NTN1: variants seen among roughly 807,000 people sequenced by gnomAD.
NTN1 encodes the protein netrin-1.
A neutral mutation model predicts 54.2 loss-of-function variants in NTN1; 11 were observed. The observed-to-expected ratio is 0.20, with a 90% confidence interval of 0.13 to 0.34. The LOEUF (loss-of-function observed/expected upper bound fraction) is 0.34. NTN1 is among the 10% of genes least tolerant of loss of function. The pLI is 1.00. For missense variants in NTN1, 740 were observed against 893.1 expected (o/e 0.83, Z 2.18); for synonymous variants, 371 against 382.0 (o/e 0.97, Z 0.33).
chr17:9,141,455 T>C (rs2092297515), intron 2 of NTN1, among the ~76,000 whole-genome samples: 1 of 151,956 alleles, frequency 6.6e-6, no homozygotes, highest in Admixed American at 6.6e-5. Flanking sequence ...GGATCCAACA[T>C]GAGTTGGATT....
At chr17:9,073,306 G>T (rs2092038770) in intron 2 of NTN1, among the ~76,000 whole-genome samples, 1 of 152,224 alleles carries the variant, frequency 6.6e-6, no homozygotes, top group Non-Finnish European at 1.5e-5. Context: ...AGGTGATTCA[G>T]AGAGTTGAAC....
Position 9,022,468 on chromosome 17 carries a change from C to A in NTN1, c.95C>A (p.Ala32Glu). 1 of 1,520,586 alleles carries A rather than the reference C, an allele frequency of 6.6e-7. No individual in the cohort carries two copies. Among genetic ancestry groups the A allele is most frequent in the South Asian group, 1.2e-5 (1 of 81,752 alleles). 94.2% of individuals were successfully genotyped at this position (1,520,586 alleles called of 1,614,324 possible). The change falls in exon 2 of 7, where the codon GCG (alanine) becomes GAG (glutamate). Residue 32 changes from alanine (A) to glutamate (E), a missense_variant. By Grantham distance (107) the Ala-to-Glu change is moderately radical (BLOSUM62 -1). Transcript: ENST00000173229. ...VRGGPGLSMF[A>E]GQAAQPDPCS... is the part of the protein sequence containing the mutation. Reference sequence around the variant, plus strand: ...GGCGGGCCCGGGCTCAGCATGTTCGCGGGCCAGGCGGCGCAGCCCGATCCC... The same window carrying A: ...GGCGGGCCCGGGCTCAGCATGTTCGAGGGCCAGGCGGCGCAGCCCGATCCC...
chr17:9,224,632 T>A (rs1306951450), intron 6 of NTN1, among the ~76,000 whole-genome samples: 1 of 152,236 alleles, frequency 6.6e-6, no homozygotes, highest in Non-Finnish European at 1.5e-5. Flanking sequence ...GAGTTTTTCC[T>A]TCCCATCACA....
chr17:9,092,980 G>T (rs570373380), intron 2 of NTN1, among the ~76,000 whole-genome samples: 1 of 152,114 alleles, frequency 6.6e-6, no homozygotes, highest in East Asian at 1.9e-4. Context: ...GGATGGTCTC[G>T]ATCTCCTGCC....
At chr17:9,049,342 A>G (rs1302228580) in intron 2 of NTN1, among the ~76,000 whole-genome samples, 1 of 152,178 alleles carries the variant, frequency 6.6e-6, no homozygotes, top group Non-Finnish European at 1.5e-5. Context: ...AAACCTAAAG[A>G]TGCCACCTGA....
chr17:9,217,665 G>A (rs1274068886), intron 5 of NTN1, among the ~76,000 whole-genome samples: 1 of 151,894 alleles, frequency 6.6e-6, no homozygotes, highest in East Asian at 1.9e-4. Flanking sequence ...TCCATGTTCT[G>A]AAGGTTATTC....
chr17:9,203,855 G>A (rs1363185032), intron 5 of NTN1, among the ~76,000 whole-genome samples: 1 of 152,060 alleles, frequency 6.6e-6, no homozygotes, highest in Non-Finnish European at 1.5e-5. Context: ...GAGGACCAGA[G>A]AGTCTAGGAA....
intron 2 of NTN1, among the ~76,000 whole-genome samples, chr17:9,127,675 G>A (rs1167488984): frequency 6.6e-6 from 1 of 151,022 alleles, no homozygotes; most frequent in South Asian, 2.1e-4. Context: ...GGTACCCCAG[G>A]CTTCCTGCAG....
At chr17:9,208,942 C>T (rs1220863192) in intron 5 of NTN1, among the ~76,000 whole-genome samples, 2 of 152,228 alleles carry the variant, frequency 1.3e-5, no homozygotes, top group Non-Finnish European at 2.9e-5. Flanking sequence ...CAGCTCTCCT[C>T]CTGGCCTCAA....
In NTN1 at chr17:9,217,045, C is replaced by CAA. The variant is rs201848057; in HGVS notation, c.1412-4110_1412-4109dup. Reference sequence around the variant, plus strand: ...TGACAGACAGGGCATGACTCCGTCTCAAAAAAAAAAAAAAGAAATATAAGG... The same window carrying CAA: ...TGACAGACAGGGCATGACTCCGTCTCAAAAAAAAAAAAAAAAGAAATATAAGG... On this transcript the variant is annotated intron_variant, in intron 5 of 6. Coordinates refer to ENST00000173229, the MANE Select transcript of NTN1 (RefSeq NM_004822.3). Among the ~76,000 whole-genome samples the CAA allele has an allele frequency of 5.3e-4, 70 of 133,196 alleles. 1 individual carries two copies. The highest frequency in any genetic ancestry group is 7.2e-4 in the South Asian group (3 of 4,138). The allele number at this position is 133,196 out of a possible 152,430, so 87.4% of individuals were successfully genotyped here. A position where few individuals can be genotyped will look rare whatever the true frequency, so the allele number is the denominator to read the frequency against.
intron 1 of NTN1, 36 bp from the exon 2 acceptor site, chr17:9,022,275 G>T (rs2091852200): frequency 4.1e-6 from 5 of 1,206,442 alleles, no homozygotes; most frequent in Non-Finnish European, 5.2e-6. Context: ...AGGGCGCGGG[G>T]CGGGCTGGCT....
intron 2 of NTN1, among the ~76,000 whole-genome samples, chr17:9,158,212 G>C (rs1467178980): frequency 3.5e-5 from 5 of 142,570 alleles, no homozygotes; most frequent in Non-Finnish European, 7.8e-5. Context: ...GTTTTCTTTT[G>C]TGTGACCAGT....
chr17:9,074,292 T>G (rs939047349), intron 2 of NTN1, among the ~76,000 whole-genome samples: 3 of 152,222 alleles, frequency 2.0e-5, no homozygotes, highest in African/African-American at 7.2e-5. Context: ...CCGCTCTGGT[T>G]GGAGCTTGGT....
chr17:9,113,900 C>T (rs936218450), intron 2 of NTN1, among the ~76,000 whole-genome samples: 4 of 151,722 alleles, frequency 2.6e-5, no homozygotes, highest in Admixed American at 6.6e-5. Flanking sequence ...CGGTGGCTCA[C>T]GCCTGTAATC....
At chr17:9,157,794 C>T (rs1007662115) in intron 2 of NTN1, among the ~76,000 whole-genome samples, 7 of 152,254 alleles carry the variant, frequency 4.6e-5, no homozygotes, top group Admixed American at 4.6e-4. Context: ...GTCTCTGCCA[C>T]CCCCAACCCC....
At chr17:9,146,640 G>A (rs2092314265) in intron 2 of NTN1, among the ~76,000 whole-genome samples, 1 of 152,106 alleles carries the variant, frequency 6.6e-6, no homozygotes, top group African/African-American at 2.4e-5. Flanking sequence ...GGGGCTCCTG[G>A]CAGCCATGCC....
At chr17:9,077,040 C>G (rs937921049) in intron 2 of NTN1, among the ~76,000 whole-genome samples, 8 of 152,156 alleles carry the variant, frequency 5.3e-5, no homozygotes, top group Non-Finnish European at 1.2e-4. Context: ...AGGTAATCAT[C>G]AGACAGGTGG....
intron 2 of NTN1, among the ~76,000 whole-genome samples, chr17:9,145,941 T>C (rs1034376997): frequency 2.7e-5 from 3 of 112,396 alleles, no homozygotes; most frequent in Non-Finnish European, 3.7e-5. Flanking sequence ...AAAAAAAAAG[T>C]GTGGGGTATT....
intron 6 of NTN1, among the ~76,000 whole-genome samples, chr17:9,228,485 C>T (rs186659665): frequency 2.6e-5 from 4 of 152,236 alleles, no homozygotes; most frequent in African/African-American, 7.2e-5. Context: ...ATCCACGCCC[C>T]GATCCCCTGC....
Sources: gnomAD v4.1 joint callset for allele counts (sites outside exome capture counted in the v4.1 genomes callset) on GRCh38, gnomAD v4.1.1 for gene constraint, MANE v1.5 for transcripts, NCBI Gene and HGNC (gene_info 2026-07-23, HGNC 2026-07-21) for gene names.